The following MAGI2 variants were observed in gnomAD, a reference collection of about 807,000 sequenced individuals.
MAGI2 encodes membrane-associated guanylate kinase, WW and PDZ domain-containing protein 2.
A neutral mutation model predicts 133.3 loss-of-function variants in MAGI2; 35 were observed. The ratio of observed to expected loss-of-function variants is 0.26; its 90% CI spans 0.20 to 0.35. The LOEUF (loss-of-function observed/expected upper bound fraction) is 0.35. Among genes scored for constraint, MAGI2 ranks in the 10% least tolerant of loss-of-function variants. The pLI is 1.00. For missense variants in MAGI2, 1,636 were observed against 1,863.4 expected, an observed-to-expected ratio of 0.88 and a Z score of 2.25; for synonymous variants, 729 against 710.6, an observed-to-expected ratio of 1.03 and a Z score of -0.41.
intron 6 of MAGI2, among the ~76,000 whole-genome samples, chr7:78,396,535 C>G (rs951091380): frequency 6.6e-6 from 1 of 152,200 alleles, no homozygotes; most frequent in Non-Finnish European, 1.5e-5. Context: ...GCTTACCTTG[C>G]CTTCACCATG....
chr7:79,270,350 T>C (rs1203156608), intron 1 of MAGI2, among the ~76,000 whole-genome samples: 2 of 150,528 alleles, frequency 1.3e-5, no homozygotes, highest in Non-Finnish European at 3.0e-5. Flanking sequence ...TTTGTCTGCG[T>C]AGTGGGCGGG....
chr7:78,706,015 G>A (rs1168975826), intron 2 of MAGI2, among the ~76,000 whole-genome samples: 6 of 152,076 alleles, frequency 3.9e-5, no homozygotes, highest in Non-Finnish European at 8.8e-5. Context: ...GAGTAGCTAT[G>A]TGATATTGAA....
At chr7:78,954,055 A>G (rs1802083278) in intron 2 of MAGI2, among the ~76,000 whole-genome samples, 1 of 152,118 alleles carries the variant, frequency 6.6e-6, no homozygotes, top group South Asian at 2.1e-4. Context: ...ACTTGACATC[A>G]GAGTTTTTAT....
chr7:78,532,946 CT>C (rs371827779), intron 3 of MAGI2, among the ~76,000 whole-genome samples: 17,028 of 145,280 alleles, frequency 0.12, 988 homozygotes, highest in African/African-American at 0.17. Flanking sequence ...TCAACTAATT[CT>C]TTTTTTTTTT....
intron 21 of MAGI2, among the ~76,000 whole-genome samples, chr7:78,028,959 G>A (rs568600152): frequency 3.3e-5 from 5 of 151,884 alleles, no homozygotes; most frequent in Non-Finnish European, 7.4e-5. Flanking sequence ...AAGCTAGTAA[G>A]TGAGAATCAG....
intron 6 of MAGI2, among the ~76,000 whole-genome samples, chr7:78,406,656 T>C (rs1797405431): frequency 6.6e-6 from 1 of 152,098 alleles, no homozygotes; most frequent in African/African-American, 2.4e-5. Context: ...TTGCATTTCC[T>C]ACATTATCTA....
intron 1 of MAGI2, among the ~76,000 whole-genome samples, chr7:79,199,063 A>G (rs1410624230): frequency 1.3e-5 from 2 of 152,040 alleles, no homozygotes; most frequent in African/African-American, 4.8e-5. Flanking sequence ...TGAAGTAAAC[A>G]AATGACAAAT....
At chr7:79,097,928 C>T (rs1230813348) in intron 1 of MAGI2, among the ~76,000 whole-genome samples, 6 of 152,104 alleles carry the variant, frequency 3.9e-5, no homozygotes, top group Non-Finnish European at 8.8e-5. Flanking sequence ...TCGAGACCAG[C>T]CTGACCAACA....
intron 10 of MAGI2, among the ~76,000 whole-genome samples, chr7:78,230,949 T>TG (rs1482185335): frequency 1.3e-5 from 2 of 152,168 alleles, no homozygotes; most frequent in Non-Finnish European, 2.9e-5. Context: ...TCAAGAGCCT[T>TG]GGGGAGGATG....
At chr7:78,144,394 C>T (rs1392570186) in intron 16 of MAGI2, among the ~76,000 whole-genome samples, 1 of 152,152 alleles carries the variant, frequency 6.6e-6, no homozygotes, top group African/African-American at 2.4e-5. Context: ...TCCTCTGCAT[C>T]CCACCTGCTC....
chr7:78,023,422 G>C (rs1292457099), intron 21 of MAGI2, among the ~76,000 whole-genome samples: 2 of 151,938 alleles, frequency 1.3e-5, no homozygotes, highest in Non-Finnish European at 2.9e-5. Flanking sequence ...TTGGACCTGG[G>C]CGTTGGCTAA....
At chr7:78,466,828 G>A (rs1021175882) in intron 6 of MAGI2, among the ~76,000 whole-genome samples, 11 of 152,078 alleles carry the variant, frequency 7.2e-5, no homozygotes, top group Admixed American at 5.9e-4. Context: ...AAAGGCACTC[G>A]GCAGAGAGTG....
intron 2 of MAGI2, among the ~76,000 whole-genome samples, chr7:78,736,517 G>T (rs1006985605): frequency 6.6e-6 from 1 of 152,132 alleles, no homozygotes; most frequent in Non-Finnish European, 1.5e-5. Flanking sequence ...TCTTAAAGAG[G>T]TCATAACCCT....
chr7:78,960,008 A>G (rs905779548), intron 2 of MAGI2, among the ~76,000 whole-genome samples: 6 of 152,158 alleles, frequency 3.9e-5, no homozygotes, highest in Non-Finnish European at 8.8e-5. Context: ...TATAAAATAA[A>G]TATTTACTGA....
chr7:78,530,428 TAAAC>T (rs1563129778), intron 3 of MAGI2, among the ~76,000 whole-genome samples: 3 of 152,186 alleles, frequency 2.0e-5, no homozygotes, highest in African/African-American at 4.8e-5. Flanking sequence ...GGATAGAAGG[TAAAC>T]AAAAAAAGAA....
chr7:78,565,757 TGACA>T (rs764072458), intron 3 of MAGI2, among the ~76,000 whole-genome samples: 130 of 152,352 alleles, frequency 8.5e-4, no homozygotes, highest in Non-Finnish European at 1.4e-3. Context: ...AGACTCTTAC[TGACA>T]AAGAAGCATC....
At position 78,643,768 on chromosome 7, in the gene MAGI2, G is replaced by A. The variant is rs114315222; in HGVS notation, c.419-16529C>T. On this transcript the variant is annotated intron_variant, in intron 2 of 21. Coordinates refer to ENST00000354212, the MANE Select transcript of MAGI2 (RefSeq NM_012301.4). ...GGGATGGGAATGGTGGCATACTATTGTAAGATTCTTACCCTATATATGAAG... is the reference window on the plus strand; with the variant it reads ...GGGATGGGAATGGTGGCATACTATTATAAGATTCTTACCCTATATATGAAG... 7.5e-3 allele frequency among the ~76,000 whole-genome samples: 1,148 copies of A among 152,172 alleles called. 14 individuals carry two copies. Among genetic ancestry groups the A allele is most frequent in the African/African-American group, 0.025 (1,041 of 41,522 alleles).
At chr7:79,015,172 G>A (rs968931871) in intron 1 of MAGI2, among the ~76,000 whole-genome samples, 1 of 151,914 alleles carries the variant, frequency 6.6e-6, no homozygotes, top group African/African-American at 2.4e-5. Context: ...GCCAGGTCAG[G>A]CCAGCCATAC....
At chr7:78,671,303 C>G (rs1051156128) in intron 2 of MAGI2, among the ~76,000 whole-genome samples, 7 of 150,388 alleles carry the variant, frequency 4.7e-5, no homozygotes, top group African/African-American at 1.7e-4. Flanking sequence ...TTTAAGATAG[C>G]CAGTAACTTG....
Sources: allele counts gnomAD v4.1 joint callset (sites outside exome capture counted in the v4.1 genomes callset), GRCh38; gene constraint gnomAD v4.1.1; transcripts MANE v1.5; gene names NCBI Gene and HGNC (gene_info 2026-07-23, HGNC 2026-07-21).